PALM2AKAP2: variants seen among roughly 807,000 people sequenced by gnomAD.
The protein encoded by PALM2AKAP2 is PALM2 and AKAP2 fusion.
PALM2AKAP2 carries 37 observed loss-of-function variants against 71.5 expected under a neutral mutation model. The ratio of observed to expected loss-of-function variants is 0.52; its 90% confidence interval spans 0.40 to 0.68. The LOEUF (loss-of-function observed/expected upper bound fraction) is 0.68, where lower values mean the gene tolerates loss of function less well. Among genes scored for constraint, PALM2AKAP2 ranks in the 30% least tolerant of loss-of-function variants. PALM2AKAP2 has a pLI of 0.00. For synonymous variants in PALM2AKAP2, 468 were observed against 478.8 expected (o/e 0.98, Z 0.29); for missense variants, 1,224 against 1,191.8 (o/e 1.03, Z -0.40).
chr9:109,779,193 G>T (rs1829393694), upstream of PALM2AKAP2, among the ~76,000 whole-genome samples: 1 of 152,182 alleles, frequency 6.6e-6, no homozygotes, highest in African/African-American at 2.4e-5. Context: ...AATTCTAGCA[G>T]GTCCTGCCTC....
chr9:110,158,586 T>A (rs974327052), intron 3 of PALM2AKAP2, among the ~76,000 whole-genome samples: 1 of 152,234 alleles, frequency 6.6e-6, no homozygotes, highest in Non-Finnish European at 1.5e-5. Context: ...GCCAACCAGG[T>A]TGAGTTTTTC....
At chr9:109,843,330 A>C (rs891844227) in intron 1 of PALM2AKAP2, among the ~76,000 whole-genome samples, 6 of 150,548 alleles carry the variant, frequency 4.0e-5, no homozygotes, top group Admixed American at 6.6e-5. Flanking sequence ...AAAAAGAAGA[A>C]GACTTTTTGA....
At chr9:110,069,866 G>T (rs1023174862) in intron 1 of PALM2AKAP2, among the ~76,000 whole-genome samples, 24 of 152,236 alleles carry the variant, frequency 1.6e-4, no homozygotes, top group African/African-American at 5.8e-4. Context: ...ATGATTCAGA[G>T]ATAGTTTTAT....
intron 3 of PALM2AKAP2, among the ~76,000 whole-genome samples, chr9:109,882,423 A>T (rs1829872980): frequency 6.6e-6 from 1 of 152,214 alleles, no homozygotes; most frequent in Non-Finnish European, 1.5e-5. Context: ...AAAAGTTTGG[A>T]GGGTTTGTGT....
At position 110,014,801 on chromosome 9, in the gene PALM2AKAP2, AAAATGT is replaced by A. The variant is rs1773293058; in HGVS notation, c.497-1151_497-1146del. Among the ~76,000 whole-genome samples the A allele has an allele frequency of 5.5e-3, 226 of 41,250 alleles. 12 individuals are homozygous for A. Among genetic ancestry groups the A allele is most frequent in the African/African-American group, 0.016 (135 of 8,694 alleles). 27.1% of individuals were successfully genotyped at this position (41,250 alleles called of 152,430 possible). On this transcript the variant is annotated intron_variant, in intron 6 of 9. Transcript: ENST00000302798. ...TCTCAAAAAAAAAAAAAAAAAAAAA[AAAATGT>A]ATATATATATATATATATATATATA...
intron 3 of PALM2AKAP2, among the ~76,000 whole-genome samples, chr9:109,898,367 A>G (rs973317206): frequency 1.3e-5 from 2 of 152,226 alleles, no homozygotes; most frequent in African/African-American, 4.8e-5. Flanking sequence ...TGTTTTACAG[A>G]TAAGGAAGCA....
chr9:109,942,600 C>T, intron 6 of PALM2AKAP2: 1 of 1,456,760 alleles, frequency 6.9e-7, no homozygotes, highest in Non-Finnish European at 9.2e-7. Flanking sequence ...GGGCACAAAA[C>T]CTTTTTTTTT....
At chr9:110,051,874 A>C (rs116151497) in intron 1 of PALM2AKAP2, among the ~76,000 whole-genome samples, 2,257 of 151,706 alleles carry the variant, frequency 0.015, 26 homozygotes, top group Middle Eastern at 0.035. Flanking sequence ...GAGCTTCAAC[A>C]ATTTCAGTAA....
chr9:109,642,667 C>T (rs1827087702), intron 1 of PALM2AKAP2, among the ~76,000 whole-genome samples: 1 of 151,482 alleles, frequency 6.6e-6, no homozygotes, highest in African/African-American at 2.4e-5. Flanking sequence ...AAACAATCCT[C>T]CCACCTCAGC....
At chr9:109,804,003 C>A (rs1015640647) in intron 1 of PALM2AKAP2, among the ~76,000 whole-genome samples, 1 of 152,202 alleles carries the variant, frequency 6.6e-6, no homozygotes, top group Admixed American at 6.5e-5. Flanking sequence ...AAAGTCCCCA[C>A]CTTCTCCCAG....
chr9:109,995,383 A>G (rs575545460), intron 6 of PALM2AKAP2, among the ~76,000 whole-genome samples: 1 of 152,214 alleles, frequency 6.6e-6, no homozygotes, highest in Non-Finnish European at 1.5e-5. Context: ...CCCAAGCACC[A>G]TGCCTGCAAC....
chr9:109,782,496 A>G, intron 1 of PALM2AKAP2, among the ~76,000 whole-genome samples: 1 of 152,346 alleles, frequency 6.6e-6, no homozygotes, highest in South Asian at 2.1e-4. Context: ...ACCATTCCCT[A>G]AATAATACAG....
At chr9:110,117,402 G>A (rs1490148686) in intron 1 of PALM2AKAP2, among the ~76,000 whole-genome samples, 1 of 152,152 alleles carries the variant, frequency 6.6e-6, no homozygotes, top group Non-Finnish European at 1.5e-5. Context: ...TGGGATTACA[G>A]ACACGAGCCA....
intron 1 of PALM2AKAP2, among the ~76,000 whole-genome samples, chr9:109,745,304 G>T (rs1339963595): frequency 6.6e-6 from 1 of 152,042 alleles, no homozygotes; most frequent in African/African-American, 2.4e-5. Flanking sequence ...GTCAGCTGAG[G>T]TCGTGCCACT....
intron 6 of PALM2AKAP2, among the ~76,000 whole-genome samples, chr9:109,982,713 C>G (rs1447089872): frequency 6.6e-6 from 1 of 152,168 alleles, no homozygotes; most frequent in Non-Finnish European, 1.5e-5. Flanking sequence ...CAGCCTAGAG[C>G]TCCAGGGCTC....
At chr9:109,691,833 GAT>G (rs1185965530) in intron 1 of PALM2AKAP2, among the ~76,000 whole-genome samples, 823 of 36,006 alleles carry the variant, frequency 0.023, 20 homozygotes, top group South Asian at 0.034. Flanking sequence ...CCAGAAAGAC[GAT>G]ATATATATAT....
In PALM2AKAP2 at chr9:110,075,133, G is replaced by A. The variant is rs1192715859; in HGVS notation, c.156+26278G>A. Among the ~76,000 whole-genome samples, 8 of 152,212 alleles carry A rather than the reference G, an allele frequency of 5.3e-5. No homozygotes were observed. In the East Asian group the frequency reaches 7.7e-4, roughly 15 times the overall value. ...AATCTTGAAAAAATTCTGGCCGAAT[G>A]TCGGTGTGCCAGCTGTTTCATGCAC... On this transcript the variant is annotated intron_variant, in intron 1 of 3. Transcript: ENST00000374525.
chr9:109,747,593 T>C (rs1828821705), intron 1 of PALM2AKAP2, among the ~76,000 whole-genome samples: 1 of 152,224 alleles, frequency 6.6e-6, no homozygotes, highest in Admixed American at 6.5e-5. Flanking sequence ...AACTGATGCA[T>C]ATATGAGTTA....
chr9:110,085,872 C>T (rs60885209), intron 1 of PALM2AKAP2, among the ~76,000 whole-genome samples: 5,411 of 152,060 alleles, frequency 0.036, 328 homozygotes, highest in African/African-American at 0.12. Context: ...TTTGGGAGGC[C>T]GAGGCGGGCG....
Sources: gnomAD v4.1 joint callset for allele counts (sites outside exome capture counted in the v4.1 genomes callset) on GRCh38, gnomAD v4.1.1 for gene constraint, MANE v1.5 for transcripts, NCBI Gene and HGNC (gene_info 2026-07-23, HGNC 2026-07-21) for gene names.